Variants in HACD3 observed in about 807,000 individuals in gnomAD.
HACD3 encodes the protein 3-hydroxyacyl-CoA dehydratase 3, also known as very-long-chain (3R)-3-hydroxyacyl-CoA dehydratase 3.
Under a neutral mutation model 55.2 loss-of-function variants are expected in HACD3, and 30 were observed. The observed-to-expected ratio is 0.54, with a 90% CI of 0.41 to 0.74. The LOEUF (loss-of-function observed/expected upper bound fraction) is 0.74, where lower values mean the gene tolerates loss of function less well. HACD3 is among the 30% of genes least tolerant of loss of function. The pLI is 0.00. For synonymous variants in HACD3, 141 were observed against 151.7 expected, an observed-to-expected ratio of 0.93 and a Z score of 0.52; for missense variants, 363 against 440.1, an observed-to-expected ratio of 0.82 and a Z score of 1.57.
rs897170897 is a variant in HACD3, at chr15:65,532,869, C to T, written c.87+2151C>T. 2.0e-5 allele frequency among the ~76,000 whole-genome samples: 3 copies of T among 152,154 alleles called. No individual in the cohort carries two copies. In the South Asian group the frequency reaches 6.2e-4, roughly 32 times the overall value. Reference sequence around the variant, plus strand: ...CAGATTTACAAAGGTGAGTCAGACCCAGCTTTTCAAGGGCATGCTATCTAG... The same window carrying T: ...CAGATTTACAAAGGTGAGTCAGACCTAGCTTTTCAAGGGCATGCTATCTAG... On this transcript the variant is annotated intron_variant, in intron 1 of 10. Coordinates refer to ENST00000261875, the MANE Select transcript of HACD3 (RefSeq NM_016395.4).
chr15:65,565,099 T>A (rs1567339110), intron 7 of HACD3: 1 of 152,268 alleles, frequency 6.6e-6, no homozygotes, highest in Non-Finnish European at 1.5e-5. Flanking sequence ...CTCCTTTGAC[T>A]CCAGGTCTCA....
At chr15:65,546,896 T>C (rs2072082722) in intron 1 of HACD3, among the ~76,000 whole-genome samples, 1 of 152,190 alleles carries the variant, frequency 6.6e-6, no homozygotes, top group Non-Finnish European at 1.5e-5. Flanking sequence ...TAGTATATAA[T>C]TGTACTCATG....
rs547178300 is a variant in HACD3 at position 65,530,870 on chromosome 15, T to G, written c.87+152T>G. ...GGTGCGCTTACGGCGTGCTGGCGCT[T>G]TTCGAGGCTCATCTGCAGATCTCGG... On this transcript the variant is annotated intron_variant, in intron 1 of 10. Transcript: ENST00000261875. 52 of 729,358 alleles carry G rather than the reference T, an allele frequency of 7.1e-5. No homozygotes were observed. In the South Asian group the frequency reaches 8.4e-4, roughly 12 times the overall value. 45.2% of individuals were successfully genotyped at this position (729,358 alleles called of 1,614,324 possible). A position where few individuals can be genotyped will look rare whatever the true frequency, so the allele number is the denominator to read the frequency against.
rs746978806 is a variant in HACD3 at position 65,576,305 on chromosome 15, T to G, written c.1015T>G (p.Leu339Val). 3.8e-6 allele frequency: 6 copies of G among 1,592,316 alleles called. No homozygotes were observed. The highest frequency in any genetic ancestry group is 5.1e-6 in the Non-Finnish European group (6 of 1,169,748). The change falls in exon 11 of 11, where the codon TTA (leucine) becomes GTA (valine). Residue 339 changes from leucine to valine, a missense_variant and splice_region_variant. Transcript: ENST00000261875. The part of the protein sequence containing the change: ...QIYLIMIFLG[L>V]YINFRHLYKQ... ...AATTGACCTCTTTTCTTTTTCAGGT[T>G]TATACATAAATTTTCGTCACCTTTA...
chr15:65,548,160 G>A (rs1437609637), intron 1 of HACD3, among the ~76,000 whole-genome samples: 1 of 152,178 alleles, frequency 6.6e-6, no homozygotes, highest in Non-Finnish European at 1.5e-5. Context: ...GTCTGTGTGT[G>A]CTATTATAAC....
chr15:65,539,811 A>G (rs2072001981), intron 1 of HACD3, among the ~76,000 whole-genome samples: 1 of 116,614 alleles, frequency 8.6e-6, no homozygotes, highest in African/African-American at 2.9e-5. Context: ...ATAGAATTAA[A>G]GCTTAGAAAT....
At chr15:65,547,894 G>A (rs2072092854) in intron 1 of HACD3, among the ~76,000 whole-genome samples, 1 of 152,224 alleles carries the variant, frequency 6.6e-6, no homozygotes, top group South Asian at 2.1e-4. Flanking sequence ...TGCCATCAAA[G>A]AAGTCAGGTC....
At chr15:65,573,697 C>A (rs1021924514) in intron 10 of HACD3, among the ~76,000 whole-genome samples, 2 of 151,964 alleles carry the variant, frequency 1.3e-5, no homozygotes, top group Non-Finnish European at 2.9e-5. Context: ...ATACTATACT[C>A]TATACATAGA....
rs1157872363 is a variant in HACD3 at position 65,543,086 on chromosome 15, A to AG, written c.88-8590_88-8589insG. On this transcript the variant is annotated intron_variant, in intron 1 of 10. Transcript: ENST00000261875. ...ACTCTGTCTCTCTAAAAAAAAAAAA[A>AG]AAAGAAAGAAAAGAAAAAAGCAAAT... 9.9e-5 allele frequency among the ~76,000 whole-genome samples: 15 copies of AG among 151,812 alleles called. 1 individual carries two copies. Among genetic ancestry groups the AG allele is most frequent in the African/African-American group, 3.4e-4 (14 of 41,412 alleles).
intron 1 of HACD3, among the ~76,000 whole-genome samples, chr15:65,545,113 T>C (rs557333660): frequency 4.1e-4 from 63 of 152,124 alleles, no homozygotes; most frequent in African/African-American, 1.4e-3. Flanking sequence ...GACCGTACCA[T>C]TGGATGAAAG....
rs146313048 is a variant in HACD3, at chr15:65,544,927, A to G, written c.88-6749A>G. On this transcript the variant is annotated intron_variant, in intron 1 of 10. Transcript: ENST00000261875. ...TCCCAGCTGCTCGGGAGGCTGAGGCAGGAGAATTGCTTGAACCCGGGAGGC... is the reference window on the plus strand; with the variant it reads ...TCCCAGCTGCTCGGGAGGCTGAGGCGGGAGAATTGCTTGAACCCGGGAGGC... Among the ~76,000 whole-genome samples, 301 of 152,128 alleles carry G rather than the reference A, an allele frequency of 2.0e-3. 1 individual carries two copies. The highest frequency in any genetic ancestry group is 7.0e-3 in the African/African-American group (289 of 41,496).
At chr15:65,542,601 C>T (rs2072031933) in intron 1 of HACD3, among the ~76,000 whole-genome samples, 1 of 151,860 alleles carries the variant, frequency 6.6e-6, no homozygotes, top group Non-Finnish European at 1.5e-5. Flanking sequence ...CAAATTTTTG[C>T]AAAACACGCA....
chr15:65,566,689 G>A (rs1348151160), intron 7 of HACD3: 2 of 152,148 alleles, frequency 1.3e-5, no homozygotes, highest in African/African-American at 2.4e-5. Flanking sequence ...AACCATATCT[G>A]TATGTTACAT....
chr15:65,571,762 G>A (rs2072350532), intron 9 of HACD3, 108 bp downstream of exon 9: 1 of 845,128 alleles, frequency 1.2e-6, no homozygotes, highest in Admixed American at 2.8e-5. Context: ...GGAAATGTTG[G>A]ATTTTTCAGG....
chr15:65,559,425 C>T (rs2072224471), intron 5 of HACD3, among the ~76,000 whole-genome samples: 1 of 151,410 alleles, frequency 6.6e-6, no homozygotes, highest in Non-Finnish European at 1.5e-5. Flanking sequence ...CTCTGAAAAG[C>T]AGAATGAAAT....
chr15:65,543,251 T>TC (rs1362906701), intron 1 of HACD3, among the ~76,000 whole-genome samples: 4 of 151,710 alleles, frequency 2.6e-5, no homozygotes, highest in South Asian at 2.1e-4. Context: ...AAATCAACCT[T>TC]CCCCCCTTTT....
intron 1 of HACD3, among the ~76,000 whole-genome samples, chr15:65,544,230 A>G (rs552955010): frequency 7.2e-5 from 11 of 152,298 alleles, no homozygotes; most frequent in South Asian, 2.1e-4. Flanking sequence ...GAAAGTAAAA[A>G]AGAAATATAG....
intron 5 of HACD3, among the ~76,000 whole-genome samples, chr15:65,560,432 G>T (rs1043577386): frequency 6.6e-6 from 1 of 151,996 alleles, no homozygotes; most frequent in Non-Finnish European, 1.5e-5. Flanking sequence ...TAAAATTAAT[G>T]TCCCTTATTT....
At position 65,530,508 on chromosome 15, in the gene HACD3, C is replaced by A; in HGVS notation, c.-124C>A. 1.2e-6 allele frequency: 1 copy of A among 812,552 alleles called. No homozygotes were observed. Among genetic ancestry groups the A allele is most frequent in the Non-Finnish European group, 1.8e-6 (1 of 546,580 alleles). 50.3% of individuals were successfully genotyped at this position (812,552 alleles called of 1,614,324 possible). A position where few individuals can be genotyped will look rare whatever the true frequency, so the allele number is the denominator to read the frequency against. Reference sequence around the variant, plus strand: ...CGCGAGCGTGGGGTATCTCGAGGTGCCGGGTTGCAGGCGCTCAGGAGCGCT... The same window carrying A: ...CGCGAGCGTGGGGTATCTCGAGGTGACGGGTTGCAGGCGCTCAGGAGCGCT... On this transcript the variant is annotated 5_prime_UTR_variant, in exon 1 of 11. Transcript: ENST00000261875.
Sources: allele counts gnomAD v4.1 joint callset (sites outside exome capture counted in the v4.1 genomes callset), GRCh38; gene constraint gnomAD v4.1.1; transcripts MANE v1.5; gene names NCBI Gene and HGNC (gene_info 2026-07-23, HGNC 2026-07-21).